The following GABRG3 variants were observed in gnomAD, a reference collection of about 807,000 sequenced individuals.
GABRG3 encodes the protein gamma-aminobutyric acid type A receptor subunit gamma3.
In GABRG3, 25 loss-of-function variants were observed where a neutral mutation model predicts 48.8. The ratio of observed to expected loss-of-function variants is 0.51; its 90% CI spans 0.37 to 0.72. The LOEUF (loss-of-function observed/expected upper bound fraction) is 0.72. Ranked by LOEUF, GABRG3 falls within the 30% of genes least tolerant of loss-of-function variation. The probability of loss-of-function intolerance (pLI) is 0.00; values close to 1 mark genes in which losing one functional copy is unlikely to be tolerated. For missense variants in GABRG3, 394 were observed against 577.9 expected, an observed-to-expected ratio of 0.68 and a Z score of 3.26; for synonymous variants, 227 against 217.6, an observed-to-expected ratio of 1.04 and a Z score of -0.38.
At chr15:27,018,199 G>T (rs570062820) in intron 2 of GABRG3, among the ~76,000 whole-genome samples, 1 of 152,326 alleles carries the variant, frequency 6.6e-6, no homozygotes, top group South Asian at 2.1e-4. Flanking sequence ...AAGGCCATAT[G>T]GCTACTTCAG....
At chr15:27,341,396 C>CT (rs1409509032) in intron 5 of GABRG3, among the ~76,000 whole-genome samples, 1 of 152,086 alleles carries the variant, frequency 6.6e-6, no homozygotes, top group Non-Finnish European at 1.5e-5. Context: ...CTTTTATAAA[C>CT]TTTAAAAATC....
intron 2 of GABRG3, among the ~76,000 whole-genome samples, chr15:26,997,836 G>A (rs2140653249): frequency 6.6e-6 from 1 of 152,240 alleles, no homozygotes; most frequent in African/African-American, 2.4e-5. Context: ...TCTAATTCCT[G>A]ATATATTACA....
intron 3 of GABRG3, among the ~76,000 whole-genome samples, chr15:27,252,838 C>T (rs1890502929): frequency 6.6e-6 from 1 of 152,236 alleles, no homozygotes; most frequent in Non-Finnish European, 1.5e-5. Flanking sequence ...TTGCACAGCA[C>T]ACTGTCTAGT....
intron 6 of GABRG3, among the ~76,000 whole-genome samples, chr15:27,508,680 G>GT (rs756317715): frequency 4.7e-4 from 72 of 151,634 alleles, no homozygotes; most frequent in African/African-American, 1.2e-3. Flanking sequence ...AATTCCCTCA[G>GT]TTTTTTTTGT....
At chr15:27,530,647 G>A (rs1284648999) in intron 9 of GABRG3, 3 of 470,972 alleles carry the variant, frequency 6.4e-6, no homozygotes, top group Non-Finnish European at 1.3e-5. Flanking sequence ...TGGCCTCCAA[G>A]GGTTGCCCTT....
chr15:27,438,493 G>A (rs773906446), intron 5 of GABRG3, among the ~76,000 whole-genome samples: 13 of 152,318 alleles, frequency 8.5e-5, no homozygotes, highest in Middle Eastern at 3.4e-3. Context: ...GGAAAACTAC[G>A]AAATGCTTCC....
intron 5 of GABRG3, among the ~76,000 whole-genome samples, chr15:27,397,021 A>G (rs1037094611): frequency 6.6e-6 from 1 of 152,214 alleles, no homozygotes; most frequent in Admixed American, 6.5e-5. Context: ...TGGTGAACAC[A>G]AGACTATGCA....
chr15:27,467,784 A>G (rs1329485711), intron 5 of GABRG3, among the ~76,000 whole-genome samples: 3 of 152,212 alleles, frequency 2.0e-5, no homozygotes, highest in East Asian at 3.8e-4. Flanking sequence ...GGTACATTGT[A>G]TGGATTTTCC....
intron 3 of GABRG3, among the ~76,000 whole-genome samples, chr15:27,029,457 G>A (rs1896042696): frequency 6.8e-6 from 1 of 148,016 alleles, no homozygotes; most frequent in Non-Finnish European, 1.5e-5. Context: ...ACACACACAC[G>A]CATGCACACA....
chr15:27,274,787 GCC>G (rs1891202081), intron 3 of GABRG3, among the ~76,000 whole-genome samples: 3 of 152,090 alleles, frequency 2.0e-5, no homozygotes, highest in Non-Finnish European at 4.4e-5. Context: ...TACTTTTAAT[GCC>G]CAAACAATTA....
rs1273127662 is a variant in GABRG3, at chr15:26,976,074, G to A, written c.54-928G>A. The stretch of plus-strand genomic sequence containing the variant: ...ACCAGCTTGTCAAGTACAAGTGTGT[G>A]CCAATTATAAACCAAACATTTTTTA... On this transcript the variant is annotated intron_variant, in intron 1 of 9. Transcript: ENST00000615808. This position sits in a 1 kb window ranked among gnomAD's most constrained non-coding sequence, Gnocchi z 7.8. 1.3e-5 allele frequency among the ~76,000 whole-genome samples: 2 copies of A among 151,682 alleles called. No homozygotes were observed. The highest frequency in any genetic ancestry group is 1.9e-4 in the East Asian group (1 of 5,168).
rs1463807408 is a variant in GABRG3, at chr15:27,540,440, C to G, written c.*7559C>G. On this transcript the variant is annotated 3_prime_UTR_variant, in exon 10 of 10. Transcript: ENST00000615808. ...GTGCTTCTTATCATCTAATTTGAGT[C>G]TAGGCTTTGTTTCCCCCTAACTTAT... 6.6e-6 allele frequency: 1 copy of G among 152,302 alleles called. No homozygotes were observed. The highest frequency in any genetic ancestry group is 1.9e-4 in the East Asian group (1 of 5,174). 9.4% of individuals were successfully genotyped at this position (152,302 alleles called of 1,614,324 possible). A position where few individuals can be genotyped will look rare whatever the true frequency, so the allele number is the denominator to read the frequency against.
chr15:27,164,064 G>A (rs188358185), intron 3 of GABRG3, among the ~76,000 whole-genome samples: 1 of 152,310 alleles, frequency 6.6e-6, no homozygotes, highest in Non-Finnish European at 1.5e-5. Flanking sequence ...AAATTAGAAT[G>A]TTTCACACAT....
At chr15:27,341,469 G>T (rs568178567) in intron 5 of GABRG3, among the ~76,000 whole-genome samples, 8 of 152,324 alleles carry the variant, frequency 5.3e-5, no homozygotes, top group South Asian at 2.1e-4. Context: ...CGCCTGGCCT[G>T]CAGGAAGCTC....
intron 3 of GABRG3, among the ~76,000 whole-genome samples, chr15:27,076,226 T>C (rs1014768354): frequency 6.6e-6 from 1 of 152,088 alleles, no homozygotes; most frequent in African/African-American, 2.4e-5. Flanking sequence ...TGGAAAGTGA[T>C]GTCCCCCAAA....
At chr15:27,490,773 C>T (rs75666840) in intron 6 of GABRG3, among the ~76,000 whole-genome samples, 5 of 152,302 alleles carry the variant, frequency 3.3e-5, no homozygotes, top group East Asian at 1.9e-4. Context: ...GTTCCCACTT[C>T]GCTCTCCATA....
intron 3 of GABRG3, among the ~76,000 whole-genome samples, chr15:27,174,257 T>G (rs1887668629): frequency 6.6e-6 from 1 of 152,256 alleles, no homozygotes; most frequent in African/African-American, 2.4e-5. Flanking sequence ...ACATGTCTTT[T>G]GAGACATGTC....
chr15:27,307,900 AAAAT>A (rs1410899772), intron 3 of GABRG3, among the ~76,000 whole-genome samples: 2 of 134,540 alleles, frequency 1.5e-5, no homozygotes, highest in African/African-American at 2.6e-5. Flanking sequence ...AAATATATAT[AAAAT>A]AAACATGTTT....
In GABRG3 at chr15:27,357,137, C is replaced by T. The variant is rs550738119; in HGVS notation, c.574+28249C>T. Among the ~76,000 whole-genome samples the T allele has an allele frequency of 2.2e-3, 334 of 152,244 alleles. 1 individual carries two copies. Among genetic ancestry groups the T allele is most frequent in the Non-Finnish European group, 4.2e-3 (283 of 68,020 alleles). On this transcript the variant is annotated intron_variant, in intron 5 of 9. Coordinates refer to ENST00000615808, the MANE Select transcript of GABRG3 (RefSeq NM_033223.5). ...ATAAAAATTACCCTTGTGATCACGG[C>T]GCCTCTCATTGTGTTTTAACACCCA...
Sources: gnomAD v4.1 joint callset for allele counts (sites outside exome capture counted in the v4.1 genomes callset) on GRCh38, gnomAD v4.1.1 for gene constraint, Gnocchi (gnomAD v3.1) non-coding constraint, MANE v1.5 for transcripts, NCBI Gene and HGNC (gene_info 2026-07-23, HGNC 2026-07-21) for gene names.